The following RIN3 variants were observed in gnomAD, a reference collection of about 807,000 sequenced individuals.
RIN3 encodes RAB5 interacting protein 3.
RIN3 carries 54 observed loss-of-function variants against 76.3 expected under a neutral mutation model. That is an observed-to-expected ratio of 0.71 (90% CI 0.57 to 0.89). The LOEUF (loss-of-function observed/expected upper bound fraction) is 0.89. Among genes scored for constraint, RIN3 ranks in the 40% least tolerant of loss-of-function variants. RIN3 has a pLI of 0.00. For missense variants in RIN3, 1,256 were observed against 1,322.1 expected (o/e 0.95, Z 0.78); for synonymous variants, 576 against 564.0 (o/e 1.02, Z -0.30).
chr14:92,523,582 A>G (rs866115038), intron 1 of RIN3, among the ~76,000 whole-genome samples: 1 of 152,266 alleles, frequency 6.6e-6, no homozygotes, highest in Admixed American at 6.5e-5. Flanking sequence ...TGGAGGCAAG[A>G]AGGAGGAAGA....
At chr14:92,584,130 G>A (rs1224413749) in intron 3 of RIN3, among the ~76,000 whole-genome samples, 1 of 151,702 alleles carries the variant, frequency 6.6e-6, no homozygotes, top group Non-Finnish European at 1.5e-5. Flanking sequence ...AAGGACTTGA[G>A]CATCCTCAGA....
At chr14:92,642,927 C>T (rs1281210998) in intron 5 of RIN3, among the ~76,000 whole-genome samples, 1 of 152,160 alleles carries the variant, frequency 6.6e-6, no homozygotes, top group African/African-American at 2.4e-5. Context: ...ATTATAATTC[C>T]CCTTCTATGG....
At chr14:92,620,001 C>T (rs1423931734) in intron 4 of RIN3, among the ~76,000 whole-genome samples, 2 of 152,230 alleles carry the variant, frequency 1.3e-5, no homozygotes, top group African/African-American at 4.8e-5. Context: ...ACCAATAAAA[C>T]TGTCTTTATT....
intron 2 of RIN3, among the ~76,000 whole-genome samples, chr14:92,561,545 C>T (rs928745111): frequency 7.2e-5 from 11 of 152,058 alleles, no homozygotes; most frequent in East Asian, 3.9e-4. Context: ...GTTTCAAAGA[C>T]GGTACAGGGA....
chr14:92,547,953 C>T (rs932416027), intron 1 of RIN3, among the ~76,000 whole-genome samples: 5 of 152,166 alleles, frequency 3.3e-5, no homozygotes, highest in African/African-American at 1.2e-4. Context: ...ATCTGCCCGC[C>T]TTGGCCTACC....
chr14:92,554,271 T>C (rs1284895079), intron 1 of RIN3, among the ~76,000 whole-genome samples: 2 of 152,146 alleles, frequency 1.3e-5, no homozygotes, highest in Admixed American at 1.3e-4. Context: ...CTGTGTGTGT[T>C]GGGATGGGGA....
chr14:92,659,174 G>A lies in RIN3; in HGVS notation c.2040G>A (p.Glu680=). The change falls in exon 7 of 10, where the codon GAG becomes GAA. Residue 680 remains glutamate (E), a synonymous_variant. Coordinates refer to ENST00000216487, the MANE Select transcript of RIN3 (RefSeq NM_024832.5). The stretch of plus-strand genomic sequence containing the variant: ...GTTTACCTGCAGAAGCAATTGTAGA[G>A]TCTGCCTTGTACAAATGTGTCCTGA... ...HSEEELEAIV[E]SALYKCVLKP... 1 of 1,614,156 alleles carries A rather than the reference G, an allele frequency of 6.2e-7. No individual in the cohort carries two copies. Among genetic ancestry groups the A allele is most frequent in the Non-Finnish European group, 8.5e-7 (1 of 1,180,010 alleles).
At chr14:92,533,491 G>C (rs970049718) in intron 1 of RIN3, among the ~76,000 whole-genome samples, 4 of 152,158 alleles carry the variant, frequency 2.6e-5, no homozygotes, top group Non-Finnish European at 5.9e-5. Flanking sequence ...AGTAGATAAA[G>C]AAATTGTGGT....
intron 2 of RIN3, 185 bp from the exon 3 acceptor site, chr14:92,577,175 G>A: frequency 1.9e-6 from 1 of 534,264 alleles, no homozygotes. Flanking sequence ...TCCTCAATGT[G>A]GATGTGGGCC....
rs1595489606 is a variant in RIN3 at position 92,656,392 on chromosome 14, A to T, written c.2027-2769A>T. Among the ~76,000 whole-genome samples the T allele has an allele frequency of 6.6e-6, 1 of 152,120 alleles. No homozygotes were observed. Among genetic ancestry groups the T allele is most frequent in the East Asian group, 1.9e-4 (1 of 5,178 alleles). On this transcript the variant is annotated intron_variant, in intron 6 of 9. Transcript: ENST00000216487. The surrounding 1 kb of genome is among the most constrained non-coding windows in gnomAD (Gnocchi z 5.2). Reference sequence around the variant, plus strand: ...TGGAGGGCAGAGGAGAGGGGACAAGACAGGGGGACGGCTCAGGAGGCTGCG... The same window carrying T: ...TGGAGGGCAGAGGAGAGGGGACAAGTCAGGGGGACGGCTCAGGAGGCTGCG...
At position 92,555,754 on chromosome 14, in the gene RIN3, G is replaced by A. The variant is rs751195343; in HGVS notation, c.48G>A (p.Pro16=). ...GAPARGDPTG[P]VPVVGKGEEE... Reference sequence around the variant, plus strand: ...ATCATTGAATTCTGTTTTTCAGTCCGGTTCCAGTTGTTGGCAAAGGAGAGG... The same window carrying A: ...ATCATTGAATTCTGTTTTTCAGTCCAGTTCCAGTTGTTGGCAAAGGAGAGG... The change falls in exon 2 of 10, where the codon CCG becomes CCA. Residue 16 remains proline, a synonymous_variant. Transcript: ENST00000216487. The A allele has an allele frequency of 4.3e-5, 69 of 1,613,962 alleles. No homozygotes were observed. The highest frequency in any genetic ancestry group is 6.7e-5 in the East Asian group (3 of 44,894).
chr14:92,684,446 T>C (rs1029808555), intron 8 of RIN3, among the ~76,000 whole-genome samples: 4 of 151,224 alleles, frequency 2.6e-5, no homozygotes, highest in Non-Finnish European at 4.4e-5. Context: ...GAATATCTCA[T>C]GTAATGTATC....
chr14:92,614,725 G>A (rs940518837), intron 3 of RIN3, among the ~76,000 whole-genome samples: 2 of 151,366 alleles, frequency 1.3e-5, no homozygotes, highest in Middle Eastern at 3.4e-3. Flanking sequence ...CCATCATTAA[G>A]ACGTGCCTTT....
rs1199759370 is a variant in RIN3 at position 92,656,346 on chromosome 14, G to A, written c.2027-2815G>A. 6.6e-6 allele frequency among the ~76,000 whole-genome samples: 1 copy of A among 152,198 alleles called. No homozygotes were observed. Among genetic ancestry groups the A allele is most frequent in the Admixed American group, 6.5e-5 (1 of 15,276 alleles). ...CCTGAGGATTTAGCCCAGAGGTGAT[G>A]GAGCCCCTGAAGGGTGTGTGTGGAG... On this transcript the variant is annotated intron_variant, in intron 6 of 9. Transcript: ENST00000216487. The surrounding 1 kb of genome is among the most constrained non-coding windows in gnomAD (Gnocchi z 5.2).
intron 3 of RIN3, among the ~76,000 whole-genome samples, chr14:92,585,708 G>A (rs1174268793): frequency 6.6e-6 from 1 of 152,086 alleles, no homozygotes; most frequent in African/African-American, 2.4e-5. Context: ...ACAGCTCACT[G>A]CAGCCTCAAC....
At chr14:92,682,444 G>C (rs1888700451) in intron 8 of RIN3, among the ~76,000 whole-genome samples, 1 of 152,208 alleles carries the variant, frequency 6.6e-6, no homozygotes, top group Non-Finnish European at 1.5e-5. Flanking sequence ...GCATCAAGAA[G>C]TCCAGGCGAA....
intron 3 of RIN3, among the ~76,000 whole-genome samples, chr14:92,593,085 T>A (rs1171356982): frequency 6.6e-6 from 1 of 152,110 alleles, no homozygotes; most frequent in African/African-American, 2.4e-5. Context: ...TGAAGCAGTA[T>A]AGCGTTATTT....
intron 1 of RIN3, among the ~76,000 whole-genome samples, chr14:92,539,444 G>A (rs2140013991): frequency 6.6e-6 from 1 of 152,314 alleles, no homozygotes; most frequent in South Asian, 2.1e-4. Context: ...GAGGCAAAGA[G>A]AGCCTGAGTC....
At chr14:92,574,299 G>A (rs1898150735) in intron 2 of RIN3, among the ~76,000 whole-genome samples, 1 of 152,214 alleles carries the variant, frequency 6.6e-6, no homozygotes, top group Non-Finnish European at 1.5e-5. Flanking sequence ...CTGGACAGGT[G>A]TGCCATTTGC....
Sources: allele counts gnomAD v4.1 joint callset (sites outside exome capture counted in the v4.1 genomes callset), GRCh38; gene constraint gnomAD v4.1.1; non-coding constraint Gnocchi (gnomAD v3.1); transcripts MANE v1.5; gene names NCBI Gene and HGNC (gene_info 2026-07-23, HGNC 2026-07-21).